PRKN: variants seen among roughly 807,000 people sequenced by gnomAD.
PRKN encodes E3 ubiquitin-protein ligase parkin.
PRKN carries 56 observed loss-of-function variants against 59.5 expected under a neutral mutation model. That is an observed-to-expected ratio of 0.94 (90% CI 0.76 to 1.18). The LOEUF (loss-of-function observed/expected upper bound fraction) is 1.18. Among genes scored for constraint, PRKN ranks in the 50% most tolerant of loss-of-function variants. The pLI is 0.00. For synonymous variants in PRKN, 250 were observed against 222.1 expected (o/e 1.13, Z -1.12); for missense variants, 657 against 596.4 (o/e 1.10, Z -1.06).
At position 161,446,147 on chromosome 6, in the gene PRKN, G is replaced by A. The variant is rs976995934; in HGVS notation, c.1084-59270C>T. Among the ~76,000 whole-genome samples, 12 of 152,164 alleles carry A rather than the reference G, an allele frequency of 7.9e-5. No individual in the cohort carries two copies. Among genetic ancestry groups the A allele is most frequent in the African/African-American group, 2.9e-4 (12 of 41,430 alleles). On this transcript the variant is annotated intron_variant, in intron 9 of 11. Coordinates refer to ENST00000366898, the MANE Select transcript of PRKN (RefSeq NM_004562.3). This position sits in a 1 kb window ranked among gnomAD's most constrained non-coding sequence, Gnocchi z 6.2. ...TGGGAGGATCATCTGAGCCTGGGGA[G>A]GTCGAGGCCACAGTAAGCTAGGATT...
intron 1 of PRKN, among the ~76,000 whole-genome samples, chr6:162,492,677 C>T (rs1413898593): frequency 7.3e-5 from 11 of 151,360 alleles, no homozygotes; most frequent in Admixed American, 6.6e-4. Context: ...TGGGGCCGGG[C>T]GCGGTGGCTC....
At chr6:162,550,147 G>A (rs533760076) in intron 1 of PRKN, among the ~76,000 whole-genome samples, 1 of 152,242 alleles carries the variant, frequency 6.6e-6, no homozygotes, top group South Asian at 2.1e-4. Context: ...GTAGTGTAAA[G>A]GATAAAGTAA....
chr6:161,817,033 T>A (rs545009061), intron 6 of PRKN, among the ~76,000 whole-genome samples: 3 of 152,212 alleles, frequency 2.0e-5, no homozygotes, highest in East Asian at 1.9e-4. Flanking sequence ...CACACACACA[T>A]AAAGTTTTTG....
chr6:161,485,082 T>C (rs1052498146), intron 9 of PRKN, among the ~76,000 whole-genome samples: 2 of 152,228 alleles, frequency 1.3e-5, no homozygotes, highest in African/African-American at 4.8e-5. Context: ...TCAATATGCA[T>C]AGGCTGGAAT....
At chr6:162,042,035 T>A (rs1285234153) in intron 5 of PRKN, among the ~76,000 whole-genome samples, 1 of 152,042 alleles carries the variant, frequency 6.6e-6, no homozygotes, top group Non-Finnish European at 1.5e-5. Context: ...AGTTTTGTGA[T>A]TTAGTTCTCA....
At chr6:161,506,956 G>A (rs986218002) in intron 9 of PRKN, among the ~76,000 whole-genome samples, 3 of 152,060 alleles carry the variant, frequency 2.0e-5, no homozygotes, top group African/African-American at 4.8e-5. Context: ...CTGAGGAGGG[G>A]CATTAAGCCT....
chr6:162,166,613 C>A (rs776512054), intron 4 of PRKN, among the ~76,000 whole-genome samples: 2 of 152,160 alleles, frequency 1.3e-5, no homozygotes, highest in Admixed American at 6.5e-5. Context: ...ATGTCTCCAA[C>A]TCACTTTAAA....
At chr6:161,743,245 G>A (rs1306061557) in intron 7 of PRKN, among the ~76,000 whole-genome samples, 1 of 70,386 alleles carries the variant, frequency 1.4e-5, no homozygotes, top group Non-Finnish European at 3.3e-5. Context: ...TTTTTGAGAC[G>A]GAGTCTCTCT....
At chr6:162,085,142 G>C (rs940507254) in intron 4 of PRKN, among the ~76,000 whole-genome samples, 2 of 145,958 alleles carry the variant, frequency 1.4e-5, no homozygotes, top group Non-Finnish European at 3.0e-5. Context: ...AAACCCAAAT[G>C]GGACATACGA....
chr6:162,357,184 G>A (rs1030019697), intron 2 of PRKN, among the ~76,000 whole-genome samples: 1 of 152,028 alleles, frequency 6.6e-6, no homozygotes, highest in African/African-American at 2.4e-5. Context: ...AGAATGAAAA[G>A]CCGAGTCACA....
chr6:162,113,367 C>T (rs1233506473), intron 4 of PRKN, among the ~76,000 whole-genome samples: 1 of 152,120 alleles, frequency 6.6e-6, no homozygotes, highest in Non-Finnish European at 1.5e-5. Flanking sequence ...GTAATGTCTC[C>T]TTTCCCATAA....
chr6:161,971,191 C>G (rs1051318272), intron 6 of PRKN, among the ~76,000 whole-genome samples: 5 of 152,106 alleles, frequency 3.3e-5, no homozygotes, highest in Non-Finnish European at 7.4e-5. Flanking sequence ...CAATTATCAC[C>G]CTGTGTATCT....
Position 162,440,748 on chromosome 6 carries a change from G to A in PRKN, c.171+2562C>T, listed in dbSNP as rs181652766. On this transcript the variant is annotated intron_variant, in intron 2 of 11. Coordinates refer to ENST00000366898, the MANE Select transcript of PRKN (RefSeq NM_004562.3). ...AATGGAAGCATTAAGTAGCTCATAT[G>A]GAAGGTCCATCTTCTTTTTCTCAGC... Among the ~76,000 whole-genome samples the A allele has an allele frequency of 1.7e-3, 263 of 152,102 alleles. 4 individuals are homozygous for A. The South Asian group carries it at 0.02, about 12-fold the overall frequency.
Position 162,262,782 on chromosome 6 carries a change from T to TA in PRKN, c.172-18dup, listed in dbSNP as rs751742289. 60,855 of 1,346,794 alleles carry TA rather than the reference T, an allele frequency of 0.045. 108 individuals carry two copies. The highest frequency in any genetic ancestry group is 0.066 in the African/African-American group (2,919 of 44,168). The allele number at this position is 1,346,794 out of a possible 1,614,324, so 83.4% of individuals were successfully genotyped here. A position where few individuals can be genotyped will look rare whatever the true frequency, so the allele number is the denominator to read the frequency against. Reference sequence around the variant, plus strand: ...GTCACAATTCTGTTTGGGAGCAAGGTAAAAAAAAAAAAAAAAAAAAAGGAA... The same window carrying TA: ...GTCACAATTCTGTTTGGGAGCAAGGTAAAAAAAAAAAAAAAAAAAAAAGGAA... On this transcript the variant is annotated splice_polypyrimidine_tract_variant and intron_variant, in intron 2 of 11. Transcript: ENST00000366898.
Position 161,953,698 on chromosome 6 carries a change from T to C in PRKN, c.734+19604A>G, listed in dbSNP as rs183130224. 3.5e-3 allele frequency among the ~76,000 whole-genome samples: 539 copies of C among 152,290 alleles called. 15 individuals are homozygous for C. The highest frequency in any genetic ancestry group is 0.03 in the Admixed American group (466 of 15,288). ...GACACACACAAGTCAGAGGGCAGCA[T>C]GTGTGACAGGGTCTCATCACTACAG... On this transcript the variant is annotated intron_variant, in intron 6 of 11. Transcript: ENST00000366898.
intron 6 of PRKN, among the ~76,000 whole-genome samples, chr6:161,811,677 CT>C (rs1480742894): frequency 1.3e-5 from 2 of 152,164 alleles, no homozygotes; most frequent in Admixed American, 1.3e-4. Flanking sequence ...AATCCCAGCA[CT>C]TTGGGAGGCC....
At chr6:162,538,104 T>G (rs529643067) in intron 1 of PRKN, among the ~76,000 whole-genome samples, 2 of 152,266 alleles carry the variant, frequency 1.3e-5, no homozygotes, top group East Asian at 3.9e-4. Flanking sequence ...AAGTTGGAAA[T>G]ACCCAAATAC....
chr6:162,309,243 C>A lies in PRKN; in HGVS notation c.172-46478G>T, dbSNP rs112666012. ...TGGCATGATCTCAGCTGGCTCACTGCAACCTACGACTCCCAGGTTCAAGCG... is the reference window on the plus strand; with the variant it reads ...TGGCATGATCTCAGCTGGCTCACTGAAACCTACGACTCCCAGGTTCAAGCG... On this transcript the variant is annotated intron_variant, in intron 2 of 11. Transcript: ENST00000366898. 5.2e-4 allele frequency among the ~76,000 whole-genome samples: 79 copies of A among 152,280 alleles called. 1 individual carries two copies. The highest frequency in any genetic ancestry group is 1.4e-3 in the African/African-American group (57 of 41,556).
chr6:161,769,174 T>C (rs950365460), intron 7 of PRKN, among the ~76,000 whole-genome samples: 16 of 152,242 alleles, frequency 1.1e-4, no homozygotes, highest in African/African-American at 3.9e-4. Flanking sequence ...ACTTTTCAAC[T>C]ATACAACTTC....
Sources: gnomAD v4.1 joint callset for allele counts (sites outside exome capture counted in the v4.1 genomes callset) on GRCh38, gnomAD v4.1.1 for gene constraint, Gnocchi (gnomAD v3.1) non-coding constraint, MANE v1.5 for transcripts, NCBI Gene and HGNC (gene_info 2026-07-23, HGNC 2026-07-21) for gene names.